The following PRKN variants were observed in gnomAD, a reference collection of about 807,000 sequenced individuals.
PRKN encodes parkin RBR E3 ubiquitin protein ligase, also known as E3 ubiquitin-protein ligase parkin.
A neutral mutation model predicts 59.5 loss-of-function variants in PRKN; 56 were observed. The observed-to-expected ratio is 0.94, with a 90% CI of 0.76 to 1.18. PRKN has a LOEUF of 1.18. Among genes scored for constraint, PRKN ranks in the 50% most tolerant of loss-of-function variants. The probability of loss-of-function intolerance (pLI) is 0.00; values close to 1 mark genes in which losing one functional copy is unlikely to be tolerated. For missense variants in PRKN, 657 were observed against 596.4 expected (o/e 1.10, Z -1.06); for synonymous variants, 250 against 222.1 (o/e 1.13, Z -1.12).
In PRKN at chr6:162,727,712, G is replaced by T. The variant is rs770057490; in HGVS notation, c.-44C>A. ...GGCTGCGGGCCAGGAACAGGCCCAT[G>T]CGCGCAGCGGCGCCAGCCGCGCCTC... is the stretch of plus-strand genomic sequence containing the variant. On this transcript the variant is annotated 5_prime_UTR_variant, in exon 1 of 12. Coordinates refer to ENST00000366898, the MANE Select transcript of PRKN (RefSeq NM_004562.3). The T allele has an allele frequency of 1.1e-5, 17 of 1,551,116 alleles. No homozygotes were observed. Among genetic ancestry groups the T allele is most frequent in the Non-Finnish European group, 1.1e-5 (13 of 1,146,858 alleles).
intron 3 of PRKN, among the ~76,000 whole-genome samples, chr6:162,253,526 C>T (rs535670437): frequency 3.9e-5 from 6 of 152,174 alleles, no homozygotes; most frequent in African/African-American, 1.4e-4. Flanking sequence ...CTATGCTAAC[C>T]GTATTAATTA....
intron 1 of PRKN, among the ~76,000 whole-genome samples, chr6:162,705,398 T>G (rs1227655443): frequency 3.3e-5 from 5 of 152,172 alleles, no homozygotes; most frequent in African/African-American, 9.7e-5. Flanking sequence ...TCCTACTCTT[T>G]CCATCAATAT....
chr6:162,508,419 C>G (rs746551387), intron 1 of PRKN, among the ~76,000 whole-genome samples: 1 of 152,212 alleles, frequency 6.6e-6, no homozygotes, highest in Non-Finnish European at 1.5e-5. Context: ...ATAACATGAT[C>G]TGCAAAAGCA....
At chr6:161,962,046 C>T (rs1390492853) in intron 6 of PRKN, among the ~76,000 whole-genome samples, 1 of 152,308 alleles carries the variant, frequency 6.6e-6, no homozygotes, top group East Asian at 1.9e-4. Context: ...AGAATGAACA[C>T]ACCACGGCCC....
At position 161,438,035 on chromosome 6, in the gene PRKN, G is replaced by A. The variant is rs1289902727; in HGVS notation, c.1084-51158C>T. 2.0e-5 allele frequency among the ~76,000 whole-genome samples: 3 copies of A among 151,978 alleles called. No individual in the cohort carries two copies. The East Asian group carries it at 5.8e-4, about 29-fold the overall frequency. The stretch of plus-strand genomic sequence containing the variant: ...TTTAAATACAGAGCTGGTGTGAGTC[G>A]TACTAAGTCAGGATGATGGTATGTG... On this transcript the variant is annotated intron_variant, in intron 9 of 11. Transcript: ENST00000366898.
intron 4 of PRKN, among the ~76,000 whole-genome samples, chr6:162,113,068 T>C (rs977796646): frequency 1.3e-5 from 2 of 152,218 alleles, no homozygotes; most frequent in Non-Finnish European, 2.9e-5. Context: ...TTCAAGTTCA[T>C]GTTACACAAA....
intron 2 of PRKN, among the ~76,000 whole-genome samples, chr6:162,287,810 A>C (rs1417989196): frequency 6.6e-6 from 1 of 152,192 alleles, no homozygotes; most frequent in African/African-American, 2.4e-5. Context: ...TTTGATTATG[A>C]AAAATGAAAG....
At chr6:161,500,850 G>A (rs1047986261) in intron 9 of PRKN, among the ~76,000 whole-genome samples, 6 of 149,246 alleles carry the variant, frequency 4.0e-5, no homozygotes, top group African/African-American at 9.9e-5. Flanking sequence ...TATGGTAAGC[G>A]TATGTTTAGT....
chr6:162,426,674 T>C (rs1343301721), intron 2 of PRKN, among the ~76,000 whole-genome samples: 1 of 152,188 alleles, frequency 6.6e-6, no homozygotes, highest in Non-Finnish European at 1.5e-5. Flanking sequence ...GTTAAACTCC[T>C]GAGCTCAAGG....
At chr6:161,404,697 G>A (rs920784001) in intron 9 of PRKN, among the ~76,000 whole-genome samples, 2 of 152,134 alleles carry the variant, frequency 1.3e-5, no homozygotes, top group African/African-American at 4.8e-5. Context: ...AATTTATCAT[G>A]GTGTATATCA....
intron 4 of PRKN, among the ~76,000 whole-genome samples, chr6:162,139,490 G>A (rs753736694): frequency 3.3e-5 from 5 of 152,232 alleles, no homozygotes; most frequent in South Asian, 2.1e-4. Flanking sequence ...TGAGGACGTC[G>A]GGTGTGGGAA....
In PRKN at chr6:161,399,089, G is replaced by A. The variant is rs1045732183; in HGVS notation, c.1084-12212C>T. On this transcript the variant is annotated intron_variant, in intron 9 of 11. Coordinates refer to ENST00000366898, the MANE Select transcript of PRKN (RefSeq NM_004562.3). This position sits in a 1 kb window ranked among gnomAD's most constrained non-coding sequence, Gnocchi z 4.4. ...AAGAGAAGGAATATCTGAATGTCGA[G>A]AGGAGTTCTGCTGCAGACAGTTAGA... 1.3e-5 allele frequency among the ~76,000 whole-genome samples: 2 copies of A among 152,150 alleles called. No individual in the cohort carries two copies. Among genetic ancestry groups the A allele is most frequent in the African/African-American group, 4.8e-5 (2 of 41,424 alleles).
intron 9 of PRKN, among the ~76,000 whole-genome samples, chr6:161,426,748 T>C (rs200128317): frequency 6.6e-6 from 1 of 151,872 alleles, no homozygotes; most frequent in East Asian, 1.9e-4. Context: ...AGACAGAGTC[T>C]CGCTCTGTCA....
rs1383801923 is a variant in PRKN, at chr6:161,423,323, C to T, written c.1084-36446G>A. ...TAATGTACATAGAGGTGTCTACATG[C>T]AAACGGATAGCAGCTGAGACACGCT... On this transcript the variant is annotated intron_variant, in intron 9 of 11. Transcript: ENST00000366898. The surrounding 1 kb of genome is among the most constrained non-coding windows in gnomAD (Gnocchi z 5.9). Among the ~76,000 whole-genome samples the T allele has an allele frequency of 6.6e-6, 1 of 152,184 alleles. No individual in the cohort carries two copies. Among genetic ancestry groups the T allele is most frequent in the Non-Finnish European group, 1.5e-5 (1 of 68,032 alleles).
intron 7 of PRKN, among the ~76,000 whole-genome samples, chr6:161,748,583 G>T (rs1229122190): frequency 1.3e-5 from 2 of 152,178 alleles, no homozygotes; most frequent in African/African-American, 2.4e-5. Context: ...TGGAAATGGG[G>T]TTCCTGGAAG....
At chr6:161,485,606 AT>A (rs1791611829) in intron 9 of PRKN, among the ~76,000 whole-genome samples, 1 of 152,186 alleles carries the variant, frequency 6.6e-6, no homozygotes, top group African/African-American at 2.4e-5. Context: ...TGTTTCTAAA[AT>A]TTAGATGCAA....
chr6:162,015,817 T>C (rs540661298), intron 5 of PRKN, among the ~76,000 whole-genome samples: 27 of 152,264 alleles, frequency 1.8e-4, no homozygotes, highest in Non-Finnish European at 4.4e-5. Flanking sequence ...AATCAATATA[T>C]AAGGCTGAGG....
chr6:162,703,138 A>C (rs1198294214), intron 1 of PRKN, among the ~76,000 whole-genome samples: 1 of 152,192 alleles, frequency 6.6e-6, no homozygotes, highest in African/African-American at 2.4e-5. Flanking sequence ...AACAAAAAAA[A>C]CTTACTTTAG....
rs571107797 is a variant in PRKN, at chr6:161,841,234, G to A, written c.735-55326C>T. On this transcript the variant is annotated intron_variant, in intron 6 of 11. Coordinates refer to ENST00000366898, the MANE Select transcript of PRKN (RefSeq NM_004562.3). ...CCCATTAGGTGCACAGCAAGAGGGT[G>A]AGGAGGTTAAGAGGGAATGAGCATA... Among the ~76,000 whole-genome samples, 8 of 152,308 alleles carry A rather than the reference G, an allele frequency of 5.3e-5. No homozygotes were observed. The South Asian group carries it at 1.7e-3, about 32-fold the overall frequency.
Sources: gnomAD v4.1 joint callset for allele counts (sites outside exome capture counted in the v4.1 genomes callset) on GRCh38, gnomAD v4.1.1 for gene constraint, Gnocchi (gnomAD v3.1) non-coding constraint, MANE v1.5 for transcripts, NCBI Gene and HGNC (gene_info 2026-07-23, HGNC 2026-07-21) for gene names.